Variants in RIMS2 observed in about 807,000 individuals in gnomAD.
RIMS2 encodes the protein regulating synaptic membrane exocytosis 2, also known as regulating synaptic membrane exocytosis protein 2.
RIMS2 carries 59 observed loss-of-function variants against 174.4 expected under a neutral mutation model. The observed-to-expected ratio is 0.34, with a 90% CI of 0.27 to 0.42. The LOEUF is 0.42. Ranked by LOEUF, RIMS2 falls within the 10% of genes least tolerant of loss-of-function variation. The pLI, the probability that RIMS2 is intolerant of heterozygous loss-of-function variation, is 1.00. For missense variants in RIMS2, 1,620 were observed against 1,666.3 expected (o/e 0.97, Z 0.48); for synonymous variants, 606 against 572.5 (o/e 1.06, Z -0.84).
At chr8:103,856,190 A>G (rs1445662290) in intron 3 of RIMS2, among the ~76,000 whole-genome samples, 1 of 151,924 alleles carries the variant, frequency 6.6e-6, no homozygotes, top group African/African-American at 2.4e-5. Flanking sequence ...CAACTCTGTT[A>G]TCTGATATAG....
chr8:104,012,172 A>T (rs1597102848), intron 17 of RIMS2, among the ~76,000 whole-genome samples: 1 of 152,076 alleles, frequency 6.6e-6, no homozygotes, highest in African/African-American at 2.4e-5. Context: ...TATGGACTTA[A>T]AAGTATTTAA....
intron 1 of RIMS2, among the ~76,000 whole-genome samples, chr8:103,543,580 C>T (rs1243155964): frequency 1.4e-4 from 21 of 152,060 alleles, no homozygotes; most frequent in Admixed American, 1.4e-3. Context: ...AAAGCTGGGG[C>T]ATAACAATAC....
At chr8:104,022,203 A>G (rs1235331835) in intron 19 of RIMS2, among the ~76,000 whole-genome samples, 1 of 152,192 alleles carries the variant, frequency 6.6e-6, no homozygotes, top group African/African-American at 2.4e-5. Context: ...GGCCCGTCTC[A>G]TAATCCTAAC....
intron 3 of RIMS2, among the ~76,000 whole-genome samples, chr8:103,837,334 C>T (rs944545573): frequency 1.3e-5 from 2 of 152,182 alleles, no homozygotes; most frequent in Non-Finnish European, 2.9e-5. Context: ...TCACTGTTAC[C>T]TTATTGGCTT....
At chr8:104,213,787 G>T (rs139721028) in intron 19 of RIMS2, among the ~76,000 whole-genome samples, 1,332 of 123,836 alleles carry the variant, frequency 0.011, 17 homozygotes, top group African/African-American at 0.042. Flanking sequence ...TGAGGCAGGG[G>T]AATCGCTTGA....
intron 1 of RIMS2, among the ~76,000 whole-genome samples, chr8:103,512,396 G>C (rs1443000788): frequency 2.0e-5 from 3 of 152,096 alleles, no homozygotes; most frequent in Non-Finnish European, 2.9e-5. Context: ...AAACAACAAA[G>C]GTTTATTTCT....
At chr8:104,099,000 G>A (rs550745819) in intron 19 of RIMS2, among the ~76,000 whole-genome samples, 2 of 152,260 alleles carry the variant, frequency 1.3e-5, no homozygotes, top group African/African-American at 4.8e-5. Context: ...TTTTTAGCTT[G>A]TTAAACAGAG....
intron 19 of RIMS2, among the ~76,000 whole-genome samples, chr8:104,177,455 A>C (rs1051259913): frequency 6.6e-6 from 1 of 152,142 alleles, no homozygotes; most frequent in Non-Finnish European, 1.5e-5. Context: ...GTTTAATAAG[A>C]TCTCACACAT....
chr8:103,685,684 T>G (rs2096932745), intron 1 of RIMS2, among the ~76,000 whole-genome samples: 1 of 152,238 alleles, frequency 6.6e-6, no homozygotes, highest in Non-Finnish European at 1.5e-5. Flanking sequence ...TCCATTGATA[T>G]GTATCTTTAT....
At chr8:103,768,045 A>G (rs1234769517) in intron 3 of RIMS2, among the ~76,000 whole-genome samples, 1 of 152,200 alleles carries the variant, frequency 6.6e-6, no homozygotes, top group African/African-American at 2.4e-5. Context: ...AGATTTTGCT[A>G]TGTAGGGAAT....
intron 13 of RIMS2, 58 bp from the exon 16 acceptor site, chr8:103,942,715 A>C: frequency 8.2e-7 from 1 of 1,220,916 alleles, no homozygotes; most frequent in Non-Finnish European, 1.2e-6. Context: ...AGGACCATTT[A>C]ACATAATTTC....
chr8:104,223,251 C>T, intron 19 of RIMS2: 3 of 485,124 alleles, frequency 6.2e-6, no homozygotes, highest in Non-Finnish European at 8.1e-6. Flanking sequence ...GAGGTGCAGC[C>T]GCGCCGCCAC....
chr8:103,731,496 G>T (rs1037566219), intron 2 of RIMS2, among the ~76,000 whole-genome samples: 2 of 152,012 alleles, frequency 1.3e-5, no homozygotes, highest in African/African-American at 4.8e-5. Flanking sequence ...CTTTCTGTAG[G>T]TATAGGAAGT....
intron 19 of RIMS2, among the ~76,000 whole-genome samples, chr8:104,061,056 T>C (rs1476098851): frequency 6.6e-6 from 1 of 152,296 alleles, no homozygotes; most frequent in South Asian, 2.1e-4. Context: ...GTTGATTTGG[T>C]GTGGAGAGTT....
intron 19 of RIMS2, among the ~76,000 whole-genome samples, chr8:104,064,180 G>T (rs577535266): frequency 5.9e-4 from 90 of 152,132 alleles, no homozygotes; most frequent in Admixed American, 1.6e-3. Context: ...AAAGTTCAAA[G>T]TAACTATAGA....
intron 3 of RIMS2, among the ~76,000 whole-genome samples, chr8:103,857,600 G>A (rs1023487200): frequency 6.8e-6 from 1 of 147,234 alleles, no homozygotes; most frequent in African/African-American, 2.5e-5. Context: ...CAAAGTAGTT[G>A]TTGATCATTA....
At chr8:103,762,490 A>G (rs1035052069) in intron 2 of RIMS2, among the ~76,000 whole-genome samples, 3 of 152,216 alleles carry the variant, frequency 2.0e-5, no homozygotes, top group African/African-American at 7.2e-5. Flanking sequence ...ATTTTGTTCC[A>G]TGGACACAGA....
Position 104,030,583 on chromosome 8 carries a change from A to T in RIMS2, c.3334+15968A>T, listed in dbSNP as rs142870481. Among the ~76,000 whole-genome samples the T allele has an allele frequency of 5.8e-3, 875 of 152,112 alleles. 9 individuals carry two copies. The highest frequency in any genetic ancestry group is 0.025 in the South Asian group (118 of 4,816). On this transcript the variant is annotated intron_variant, in intron 19 of 23. Transcript: ENST00000504942. ...TCTATTACTTTTTTCTTTGTTTGTT[A>T]TGCCCCAGCCAAAGTGACCTCCATG...
At chr8:104,050,688 A>T (rs115644716) in intron 19 of RIMS2, among the ~76,000 whole-genome samples, 2 of 152,204 alleles carry the variant, frequency 1.3e-5, no homozygotes, top group Non-Finnish European at 2.9e-5. Context: ...TAAGTTTTAC[A>T]GGAAGATGAA....
Sources: allele counts gnomAD v4.1 joint callset (sites outside exome capture counted in the v4.1 genomes callset), GRCh38; gene constraint gnomAD v4.1.1; transcripts MANE v1.5; gene names NCBI Gene and HGNC (gene_info 2026-07-23, HGNC 2026-07-21).